The following SEMA3A variants were observed in gnomAD, a reference collection of about 807,000 sequenced individuals.
The protein encoded by SEMA3A is semaphorin 3A, also known as semaphorin-3A.
In SEMA3A, 29 loss-of-function variants were observed where a neutral mutation model predicts 97.9. The observed-to-expected ratio is 0.30, with a 90% CI of 0.22 to 0.40. SEMA3A has a LOEUF of 0.40. Among genes scored for constraint, SEMA3A ranks in the 10% least tolerant of loss-of-function variants. The probability of loss-of-function intolerance (pLI) is 1.00; values close to 1 mark genes in which losing one functional copy is unlikely to be tolerated. For missense variants in SEMA3A, 763 were observed against 951.3 expected (o/e 0.80, Z 2.60); for synonymous variants, 321 against 323.7 (o/e 0.99, Z 0.09).
intron 1 of SEMA3A, among the ~76,000 whole-genome samples, chr7:84,377,234 T>C (rs934469566): frequency 2.7e-5 from 4 of 148,112 alleles, no homozygotes; most frequent in African/African-American, 1.0e-4. Context: ...TCTTTCTGCT[T>C]GTGGATATCT....
At chr7:84,010,221 T>C (rs932573368) in intron 9 of SEMA3A, among the ~76,000 whole-genome samples, 1 of 152,206 alleles carries the variant, frequency 6.6e-6, no homozygotes, top group Non-Finnish European at 1.5e-5. Context: ...ATTTACACTA[T>C]GTAAAGTGTC....
At chr7:84,265,852 C>T (rs1292972131) in intron 3 of SEMA3A, among the ~76,000 whole-genome samples, 1 of 151,900 alleles carries the variant, frequency 6.6e-6, no homozygotes, top group Non-Finnish European at 1.5e-5. Flanking sequence ...TGGGTGAAAG[C>T]ACAGAAAATG....
intron 1 of SEMA3A, among the ~76,000 whole-genome samples, chr7:84,449,764 C>T (rs570159631): frequency 1.6e-4 from 24 of 152,170 alleles, no homozygotes; most frequent in African/African-American, 4.3e-4. Context: ...CTCTGGCAAT[C>T]GTCATTCCAC....
intron 3 of SEMA3A, among the ~76,000 whole-genome samples, chr7:84,120,308 G>A (rs1335990009): frequency 6.6e-6 from 1 of 151,988 alleles, no homozygotes; most frequent in Admixed American, 6.6e-5. Context: ...AGTTTTATTT[G>A]CCATGTATCT....
chr7:84,410,282 A>G (rs1174787460), intron 1 of SEMA3A, among the ~76,000 whole-genome samples: 3 of 151,984 alleles, frequency 2.0e-5, no homozygotes, highest in African/African-American at 7.2e-5. Flanking sequence ...TACACAATAT[A>G]TTTTTCATTT....
chr7:84,226,996 T>C (rs1048097160), intron 3 of SEMA3A, among the ~76,000 whole-genome samples: 1 of 151,966 alleles, frequency 6.6e-6, no homozygotes, highest in Admixed American at 6.6e-5. Flanking sequence ...AGAGAGACAA[T>C]AGAAATGAGA....
At chr7:83,965,258 T>G (rs187878309) in intron 15 of SEMA3A, among the ~76,000 whole-genome samples, 6 of 152,044 alleles carry the variant, frequency 3.9e-5, no homozygotes, top group Non-Finnish European at 5.9e-5. Flanking sequence ...TTTTCTTTAT[T>G]AAGAAATACT....
chr7:84,238,804 T>G lies in SEMA3A; in HGVS notation c.-82-44136A>C, dbSNP rs112931948. Among the ~76,000 whole-genome samples the G allele has an allele frequency of 2.5e-3, 384 of 152,112 alleles. 1 individual carries two copies. Among genetic ancestry groups the G allele is most frequent in the African/African-American group, 8.9e-3 (368 of 41,506 alleles). ...ATCTCAGCTCACCACAACCTCCACT[T>G]CCCTAGTTCAAGCAATTCCCCTGAC... On this transcript the variant is annotated intron_variant, in intron 3 of 3. Transcript: ENST00000424555.
At chr7:84,288,102 C>T (rs1800637446) in intron 3 of SEMA3A, among the ~76,000 whole-genome samples, 1 of 151,954 alleles carries the variant, frequency 6.6e-6, no homozygotes, top group Non-Finnish European at 1.5e-5. Context: ...AAAATGTTTA[C>T]ATAGTTAATC....
chr7:84,489,950 A>G (rs1806677207), intron 1 of SEMA3A, among the ~76,000 whole-genome samples: 1 of 152,068 alleles, frequency 6.6e-6, no homozygotes, highest in South Asian at 2.1e-4. Flanking sequence ...TATGTAATAA[A>G]TACAGTATAT....
chr7:84,313,209 T>C (rs2115873769), intron 2 of SEMA3A, among the ~76,000 whole-genome samples: 1 of 145,446 alleles, frequency 6.9e-6, no homozygotes, highest in South Asian at 2.1e-4. Context: ...GCTAGAAAAG[T>C]TCCAAATTTA....
intron 11 of SEMA3A, among the ~76,000 whole-genome samples, chr7:84,003,803 A>G (rs1291838457): frequency 1.3e-5 from 2 of 152,130 alleles, no homozygotes; most frequent in South Asian, 2.1e-4. Flanking sequence ...GAGAAATACT[A>G]TTTCTTATAT....
At chr7:83,995,343 C>T (rs1021098236) in intron 12 of SEMA3A, among the ~76,000 whole-genome samples, 12 of 151,882 alleles carry the variant, frequency 7.9e-5, no homozygotes, top group Admixed American at 1.3e-4. Context: ...CTCCTCCCCC[C>T]AATAAAAATT....
intron 1 of SEMA3A, among the ~76,000 whole-genome samples, chr7:84,447,988 C>T (rs1043896048): frequency 6.6e-6 from 1 of 152,230 alleles, no homozygotes; most frequent in Non-Finnish European, 1.5e-5. Context: ...ACAGAGCTGG[C>T]ACCTGGATTT....
At chr7:84,062,465 G>A (rs1429403833) in intron 4 of SEMA3A, among the ~76,000 whole-genome samples, 1 of 152,230 alleles carries the variant, frequency 6.6e-6, no homozygotes, top group Non-Finnish European at 1.5e-5. Flanking sequence ...CCCAGAGTGA[G>A]CGACGCAGAA....
At chr7:84,478,875 A>C (rs1321293248) in intron 1 of SEMA3A, among the ~76,000 whole-genome samples, 2 of 152,058 alleles carry the variant, frequency 1.3e-5, no homozygotes, top group Admixed American at 6.5e-5. Context: ...TTTATTTTTT[A>C]TAAATTTTCT....
intron 3 of SEMA3A, among the ~76,000 whole-genome samples, chr7:84,113,441 G>A (rs1396190796): frequency 1.3e-5 from 2 of 152,184 alleles, no homozygotes; most frequent in Non-Finnish European, 1.5e-5. Flanking sequence ...AGAAGGAAGT[G>A]TGGCAGAAAA....
At position 84,014,395 on chromosome 7, in the gene SEMA3A, AAAT is replaced by A. The variant is rs776550565; in HGVS notation, c.668-47_668-45del. 2.0e-6 allele frequency: 3 copies of A among 1,481,258 alleles called. No individual in the cohort carries two copies. The East Asian group carries it at 6.8e-5, about 34-fold the overall frequency. The allele number at this position is 1,481,258 out of a possible 1,614,324, so 91.8% of individuals were successfully genotyped here. ...CGTATATATTAATTCACAGCTTAAT[AAAT>A]AATACCATTCTGAACAGTCCATTTT... On this transcript the variant is annotated intron_variant, in intron 6 of 16. Coordinates refer to ENST00000265362, the MANE Select transcript of SEMA3A (RefSeq NM_006080.3).
At chr7:84,062,433 G>A (rs898413214) in intron 4 of SEMA3A, among the ~76,000 whole-genome samples, 1 of 152,218 alleles carries the variant, frequency 6.6e-6, no homozygotes, top group African/African-American at 2.4e-5. Context: ...TGGCCGAATA[G>A]GAACAGCTCC....
Sources: gnomAD v4.1 joint callset for allele counts (sites outside exome capture counted in the v4.1 genomes callset) on GRCh38, gnomAD v4.1.1 for gene constraint, MANE v1.5 for transcripts, NCBI Gene and HGNC (gene_info 2026-07-23, HGNC 2026-07-21) for gene names.